Variants in UNC79 observed in about 807,000 individuals in gnomAD.
UNC79 encodes unc-79 subunit of NALCN channel complex.
UNC79 carries 37 observed loss-of-function variants against 283.1 expected under a neutral mutation model. That is an observed-to-expected ratio of 0.13 (90% CI 0.10 to 0.17). The LOEUF (loss-of-function observed/expected upper bound fraction) is 0.17. Among genes scored for constraint, UNC79 ranks in the 10% least tolerant of loss-of-function variants. The pLI, the probability that UNC79 is intolerant of heterozygous loss-of-function variation, is 1.00. For synonymous variants in UNC79, 1,107 were observed against 1,200.2 expected (o/e 0.92, Z 1.61); for missense variants, 2,272 against 3,211.1 (o/e 0.71, Z 7.07).
At chr14:93,388,164 T>G (rs1005418044) in intron 1 of UNC79, among the ~76,000 whole-genome samples, 3 of 151,792 alleles carry the variant, frequency 2.0e-5, no homozygotes, top group African/African-American at 7.3e-5. Context: ...CAGGCCAGAG[T>G]GCAATGGTGC....
chr14:93,516,570 C>T (rs2060073923), intron 7 of UNC79, among the ~76,000 whole-genome samples: 2 of 151,928 alleles, frequency 1.3e-5, no homozygotes, highest in South Asian at 4.2e-4. Flanking sequence ...CCTCAGCCTC[C>T]TGAGAGGCTG....
intron 1 of UNC79, among the ~76,000 whole-genome samples, chr14:93,395,346 A>T (rs2054972382): frequency 6.6e-6 from 1 of 152,190 alleles, no homozygotes; most frequent in South Asian, 2.1e-4. Context: ...AGTTTAATTG[A>T]CTCACAGTTC....
chr14:93,413,156 T>C (rs1054857352), intron 1 of UNC79, among the ~76,000 whole-genome samples: 2 of 151,048 alleles, frequency 1.3e-5, no homozygotes, highest in South Asian at 4.2e-4. Context: ...TAGCATTAGG[T>C]ATATCTCCTA....
In UNC79 at chr14:93,690,466, A is replaced by T. The variant is rs1179298063; in HGVS notation, c.7272+163A>T. On this transcript the variant is annotated intron_variant, in intron 45 of 48. Coordinates refer to ENST00000555664, the Ensembl canonical transcript of UNC79. This position sits in a 1 kb window ranked among gnomAD's most constrained non-coding sequence, Gnocchi z 4.3. ...GCTAATGTCTTATTTAAAGTTGTTT[A>T]GATTCCCAGACTGTCTTTCCCCCCG... 6.5e-6 allele frequency: 5 copies of T among 766,192 alleles called. No homozygotes were observed. The highest frequency in any genetic ancestry group is 9.6e-6 in the Non-Finnish European group (5 of 519,898). 47.5% of individuals were successfully genotyped at this position (766,192 alleles called of 1,614,324 possible). A position where few individuals can be genotyped will look rare whatever the true frequency, so the allele number is the denominator to read the frequency against.
intron 41 of UNC79, among the ~76,000 whole-genome samples, chr14:93,674,531 G>A (rs2073163772): frequency 2.0e-5 from 3 of 152,176 alleles, no homozygotes; most frequent in Admixed American, 2.0e-4. Context: ...TCATTCAATG[G>A]CCTTTGGGTA....
chr14:93,637,036 T>G, intron 31 of UNC79, 180 bp from the exon 35 acceptor site: 2 of 649,042 alleles, frequency 3.1e-6, no homozygotes. Context: ...GAATGGCAGG[T>G]TTGTAGTAAA....
At chr14:93,663,882 TG>T (rs1425670362) in intron 40 of UNC79, among the ~76,000 whole-genome samples, 41 of 152,314 alleles carry the variant, frequency 2.7e-4, no homozygotes. Context: ...ATACCTTTTT[TG>T]GGGGAAGAAT....
At chr14:93,667,393 A>C (rs2072329946) in intron 40 of UNC79, among the ~76,000 whole-genome samples, 1 of 152,200 alleles carries the variant, frequency 6.6e-6, no homozygotes, top group Non-Finnish European at 1.5e-5. Flanking sequence ...ATATCAGCAT[A>C]ACTACAGACA....
At chr14:93,559,632 C>T (rs1213462765) in intron 14 of UNC79, among the ~76,000 whole-genome samples, 4 of 152,036 alleles carry the variant, frequency 2.6e-5, no homozygotes, top group African/African-American at 9.7e-5. Context: ...CCAGGATGAG[C>T]CAGGAGAAGG....
chr14:93,344,987 C>T (rs557695639), intron 1 of UNC79, among the ~76,000 whole-genome samples: 46 of 152,214 alleles, frequency 3.0e-4, no homozygotes, highest in Middle Eastern at 3.4e-3. Flanking sequence ...TGCTTGAGGC[C>T]AGGAGTTCAA....
At chr14:93,413,935 TC>T (rs2055395390) in intron 1 of UNC79, among the ~76,000 whole-genome samples, 2 of 90,210 alleles carry the variant, frequency 2.2e-5, no homozygotes, top group Admixed American at 1.4e-4. Flanking sequence ...TAGCCCTTTG[TC>T]AGATGAGTAG....
At chr14:93,391,587 G>A (rs2054884323) in intron 1 of UNC79, among the ~76,000 whole-genome samples, 1 of 152,142 alleles carries the variant, frequency 6.6e-6, no homozygotes, top group Non-Finnish European at 1.5e-5. Flanking sequence ...ACTGACAAAA[G>A]CCTTGTATCT....
In UNC79 at chr14:93,531,523, T is replaced by C. The variant is rs1029583212; in HGVS notation, c.1094-1027T>C. On this transcript the variant is annotated intron_variant, in intron 10 of 48. Coordinates refer to ENST00000555664, the Ensembl canonical transcript of UNC79. The surrounding 1 kb of genome is among the most constrained non-coding windows in gnomAD (Gnocchi z 4.2). ...CCCACTGAAAAGAATTCTTATGCAT[T>C]CATTATGTAGACAGTAATTTGACAG... Among the ~76,000 whole-genome samples, 7 of 152,238 alleles carry C rather than the reference T, an allele frequency of 4.6e-5. No homozygotes were observed. Among genetic ancestry groups the C allele is most frequent in the Non-Finnish European group, 8.8e-5 (6 of 68,040 alleles).
intron 1 of UNC79, among the ~76,000 whole-genome samples, chr14:93,451,742 T>C (rs2056650163): frequency 6.6e-6 from 1 of 152,198 alleles, no homozygotes; most frequent in African/African-American, 2.4e-5. Context: ...AAGCTATCTG[T>C]TGCTGCCGTT....
At chr14:93,525,653 C>A (rs1411614079) in intron 8 of UNC79, among the ~76,000 whole-genome samples, 1 of 152,146 alleles carries the variant, frequency 6.6e-6, no homozygotes, top group East Asian at 1.9e-4. Context: ...AATGATGAGA[C>A]TTTCATGGTT....
intron 1 of UNC79, among the ~76,000 whole-genome samples, chr14:93,361,211 C>CAAAAA (rs58267219): frequency 8.3e-3 from 448 of 53,894 alleles, no homozygotes; most frequent in East Asian, 0.018. Context: ...GACTCTGTCT[C>CAAAAA]AAAAAAAAAA....
intron 1 of UNC79, among the ~76,000 whole-genome samples, chr14:93,372,452 C>CT (rs1451565513): frequency 2.6e-5 from 4 of 152,142 alleles, no homozygotes; most frequent in Non-Finnish European, 5.9e-5. Flanking sequence ...TATAAAGACA[C>CT]GTATAGTTTA....
chr14:93,335,775 A>G (rs909917019), intron 1 of UNC79, among the ~76,000 whole-genome samples: 5 of 152,244 alleles, frequency 3.3e-5, no homozygotes, highest in African/African-American at 9.6e-5. Context: ...CCATGACATC[A>G]TTTGAATACC....
intron 13 of UNC79, among the ~76,000 whole-genome samples, chr14:93,541,387 C>T (rs973564448): frequency 3.3e-5 from 5 of 152,156 alleles, no homozygotes; most frequent in African/African-American, 9.7e-5. Flanking sequence ...ACAGATCTAA[C>T]GTCCCAAGCA....
Sources: gnomAD v4.1 joint callset for allele counts (sites outside exome capture counted in the v4.1 genomes callset) on GRCh38, gnomAD v4.1.1 for gene constraint, Gnocchi (gnomAD v3.1) non-coding constraint, MANE v1.5 for transcripts, NCBI Gene and HGNC (gene_info 2026-07-23, HGNC 2026-07-21) for gene names.